PCDHGA6: variants seen among roughly 807,000 people sequenced by gnomAD.
PCDHGA6 encodes protocadherin gamma subfamily A, 6, also known as protocadherin gamma-A6.
PCDHGA6 carries 41 observed loss-of-function variants against 60.6 expected under a neutral mutation model. The observed-to-expected ratio is 0.68, with a 90% CI of 0.53 to 0.88. PCDHGA6 has a LOEUF of 0.88. PCDHGA6 is among the 40% of genes least tolerant of loss of function. PCDHGA6 has a pLI of 0.00. For synonymous variants in PCDHGA6, 594 were observed against 524.4 expected (o/e 1.13, Z -1.81); for missense variants, 1,312 against 1,203.0 (o/e 1.09, Z -1.34).
intron 1 of PCDHGA6, among the ~76,000 whole-genome samples, chr5:141,454,980 T>A (rs1049733405): frequency 9.3e-5 from 14 of 151,310 alleles, no homozygotes; most frequent in African/African-American, 2.4e-4. Context: ...GCTAATTTTT[T>A]AAAAAATATT....
Position 141,374,743 on chromosome 5 carries a change from T to A in PCDHGA6, c.660T>A (p.Pro220=). The A allele has an allele frequency of 6.2e-7, 1 of 1,611,970 alleles. No individual in the cohort carries two copies. The highest frequency in any genetic ancestry group is 8.5e-7 in the Non-Finnish European group (1 of 1,178,958). The change falls in exon 1 of 4, where the codon CCT becomes CCA. Residue 220 remains proline (P), a synonymous_variant. Transcript: ENST00000517434. ...LVLTAMDGGD[P]VRSSVAQILV... is the part of the protein sequence containing the mutation. ...TTACTGCCATGGATGGCGGCGACCC[T>A]GTCCGCTCAAGCGTCGCCCAAATTC... is the stretch of plus-strand genomic sequence containing the variant.
intron 1 of PCDHGA6, chr5:141,430,853 C>A: frequency 6.3e-7 from 1 of 1,587,214 alleles, no homozygotes; most frequent in Non-Finnish European, 8.6e-7. Flanking sequence ...CACCCAGATA[C>A]GCTATTCAGT....
intron 1 of PCDHGA6, chr5:141,403,422 C>T (rs749764130): frequency 6.2e-7 from 1 of 1,613,912 alleles, no homozygotes; most frequent in Admixed American, 1.7e-5. Flanking sequence ...CTTCCAGAAG[C>T]TATTGATCCG....
chr5:141,437,058 T>C (rs539776847), intron 1 of PCDHGA6, among the ~76,000 whole-genome samples: 2 of 152,246 alleles, frequency 1.3e-5, no homozygotes, highest in Non-Finnish European at 2.9e-5. Context: ...CTGGTGATCA[T>C]TATTTGGTTT....
rs2098293800 is a variant in PCDHGA6 at position 141,442,043 on chromosome 5, A to G, written c.2425-52764A>G. The G allele has an allele frequency of 1.9e-5, 4 of 205,506 alleles. No homozygotes were observed. In the South Asian group the frequency reaches 2.4e-4, roughly 12 times the overall value. The allele number at this position is 205,506 out of a possible 1,614,324, so 12.7% of individuals were successfully genotyped here. A position where few individuals can be genotyped will look rare whatever the true frequency, so the allele number is the denominator to read the frequency against. On this transcript the variant is annotated intron_variant, in intron 1 of 3. Transcript: ENST00000517434. ...ACAGGAAAGCGACTCGCCAGCGCCTACTGGTCGCGGTGCACTGCGGTGGAC... is the reference window on the plus strand; with the variant it reads ...ACAGGAAAGCGACTCGCCAGCGCCTGCTGGTCGCGGTGCACTGCGGTGGAC...
At chr5:141,453,786 A>G (rs2098774297) in intron 1 of PCDHGA6, among the ~76,000 whole-genome samples, 1 of 152,252 alleles carries the variant, frequency 6.6e-6, no homozygotes, top group Non-Finnish European at 1.5e-5. Flanking sequence ...TTACCATGGT[A>G]TATTAACTTT....
rs1357901633 is a variant in PCDHGA6, at chr5:141,476,594, C to G, written c.2425-18213C>G. On this transcript the variant is annotated intron_variant, in intron 1 of 3. Transcript: ENST00000517434. This position sits in a 1 kb window ranked among gnomAD's most constrained non-coding sequence, Gnocchi z 7.6. ...GACGCGCTTTCCGCTCGAGAGCGCG[C>G]ACGATCCCGATGTGGGAAGCAACTC... The G allele has an allele frequency of 3.7e-6, 6 of 1,614,242 alleles. No homozygotes were observed. The highest frequency in any genetic ancestry group is 4.2e-6 in the Non-Finnish European group (5 of 1,180,040).
In PCDHGA6 at chr5:141,433,837, CA is replaced by C. The variant is rs56191208; in HGVS notation, c.2424+57348del. ...GGGCAACAAGAGTGAAACTCTATCT[CA>C]AAAAAAAAAAAAAAAAACTTTATCC... On this transcript the variant is annotated intron_variant, in intron 1 of 3. Coordinates refer to ENST00000517434, the MANE Select transcript of PCDHGA6 (RefSeq NM_018919.3). Among the ~76,000 whole-genome samples, 895 of 111,670 alleles carry C rather than the reference CA, an allele frequency of 8.0e-3. 6 individuals carry two copies. Among genetic ancestry groups the C allele is most frequent in the South Asian group, 0.02 (67 of 3,288 alleles). The allele number at this position is 111,670 out of a possible 152,430, so 73.3% of individuals were successfully genotyped here. A position where few individuals can be genotyped will look rare whatever the true frequency, so the allele number is the denominator to read the frequency against.
intron 1 of PCDHGA6, chr5:141,422,094 T>C: frequency 1.2e-6 from 2 of 1,610,648 alleles, no homozygotes; most frequent in Non-Finnish European, 1.7e-6. Flanking sequence ...AAAGCAAGGC[T>C]TCTGAAATAT....
intron 1 of PCDHGA6, among the ~76,000 whole-genome samples, chr5:141,466,554 G>A (rs2099125028): frequency 6.6e-6 from 1 of 152,068 alleles, no homozygotes. Flanking sequence ...TTTGCTGTGG[G>A]CTTCATCTTC....
Position 141,432,093 on chromosome 5 carries a change from C to G in PCDHGA6, c.2424+55586C>G. On this transcript the variant is annotated intron_variant, in intron 1 of 3. Coordinates refer to ENST00000517434, the MANE Select transcript of PCDHGA6 (RefSeq NM_018919.3). This position sits in a 1 kb window ranked among gnomAD's most constrained non-coding sequence, Gnocchi z 6.0. ...CATATCTCGCTGAACGTGGCAGACA[C>G]CAACGACAACCCGCCGGTCTTCCCT... 1 of 1,614,170 alleles carries G rather than the reference C, an allele frequency of 6.2e-7. No individual in the cohort carries two copies. The highest frequency in any genetic ancestry group is 8.5e-7 in the Non-Finnish European group (1 of 1,180,046).
intron 1 of PCDHGA6, chr5:141,399,517 G>A: frequency 1.9e-6 from 3 of 1,613,998 alleles, no homozygotes; most frequent in Non-Finnish European, 2.5e-6. Flanking sequence ...CAACCCTCCT[G>A]GGGCCTCCAT....
At chr5:141,415,066 C>A in intron 1 of PCDHGA6, 1 of 1,613,410 alleles carries the variant, frequency 6.2e-7, no homozygotes, top group Non-Finnish European at 8.5e-7. Flanking sequence ...GGGCGAGGTG[C>A]GCACGGCGCG....
intron 1 of PCDHGA6, chr5:141,393,324 CA>C (rs2092729145): frequency 6.2e-7 from 1 of 1,611,096 alleles, no homozygotes; most frequent in African/African-American, 1.4e-5. Context: ...CCAGAGCTAC[CA>C]GCTCAGCCCC....
chr5:141,422,296 A>C, intron 1 of PCDHGA6: 1 of 1,550,706 alleles, frequency 6.4e-7, no homozygotes, highest in South Asian at 1.3e-5. Context: ...TATTAATTCA[A>C]TTCTGGAAAA....
intron 2 of PCDHGA6, among the ~76,000 whole-genome samples, chr5:141,497,219 A>G (rs974609491): frequency 6.7e-6 from 1 of 149,602 alleles, no homozygotes; most frequent in South Asian, 2.1e-4. Context: ...TGGGGGGGGG[A>G]AGATCAGAGA....
chr5:141,417,980 C>G lies in PCDHGA6; in HGVS notation c.2424+41473C>G, dbSNP rs905203424. On this transcript the variant is annotated intron_variant, in intron 1 of 3. Coordinates refer to ENST00000517434, the MANE Select transcript of PCDHGA6 (RefSeq NM_018919.3). ...GATCCGCTACTCGATTCCGGAGGAG[C>G]TGGCCAAGGGCTCGGTGGTGGGGAA... is the stretch of plus-strand genomic sequence containing the variant. The G allele has an allele frequency of 1.9e-6, 3 of 1,613,738 alleles. No individual in the cohort carries two copies. In the African/African-American group the frequency reaches 4.0e-5, roughly 22 times the overall value.
At chr5:141,395,088 C>G (rs778953049) in intron 1 of PCDHGA6, 31 of 1,614,076 alleles carry the variant, frequency 1.9e-5, no homozygotes, top group East Asian at 6.7e-5. Flanking sequence ...GGAAGTCTCC[C>G]TCACCGCCGA....
At position 141,490,545 on chromosome 5, in the gene PCDHGA6, C is replaced by T; in HGVS notation, c.2425-4262C>T. 3 of 1,614,164 alleles carry T rather than the reference C, an allele frequency of 1.9e-6. No homozygotes were observed. The highest frequency in any genetic ancestry group is 2.5e-6 in the Non-Finnish European group (3 of 1,180,018). ...GCGATGCTGGTTCACCTTCCCTACA[C>T]AAACATCTCACCATCAGGCTCAACA... On this transcript the variant is annotated intron_variant, in intron 1 of 3. Coordinates refer to ENST00000517434, the MANE Select transcript of PCDHGA6 (RefSeq NM_018919.3). The surrounding 1 kb of genome is among the most constrained non-coding windows in gnomAD (Gnocchi z 5.4).
Sources: gnomAD v4.1 joint callset for allele counts (sites outside exome capture counted in the v4.1 genomes callset) on GRCh38, gnomAD v4.1.1 for gene constraint, Gnocchi (gnomAD v3.1) non-coding constraint, MANE v1.5 for transcripts, NCBI Gene and HGNC (gene_info 2026-07-23, HGNC 2026-07-21) for gene names.